Variants in TNS3 observed in about 807,000 individuals in gnomAD.
The protein encoded by TNS3 is tensin-3.
In TNS3, 45 loss-of-function variants were observed where a neutral mutation model predicts 140.9. The observed-to-expected ratio is 0.32, with a 90% confidence interval of 0.25 to 0.41. The LOEUF (loss-of-function observed/expected upper bound fraction) is 0.41, where lower values mean the gene tolerates loss of function less well. TNS3 is among the 10% of genes least tolerant of loss of function. The probability of loss-of-function intolerance (pLI) is 1.00; values close to 1 mark genes in which losing one functional copy is unlikely to be tolerated. For missense variants in TNS3, 1,716 were observed against 1,906.7 expected (o/e 0.90, Z 1.86); for synonymous variants, 815 against 788.4 (o/e 1.03, Z -0.56).
intron 13 of TNS3, chr7:47,405,570 T>C: frequency 1.4e-6 from 1 of 702,950 alleles, no homozygotes; most frequent in Non-Finnish European, 2.6e-6. Context: ...CTAAAGCAAT[T>C]GAAAGGTGGG....
In TNS3 at chr7:47,315,569, G is replaced by A. The variant is rs540909089; in HGVS notation, c.2651-10566C>T. Among the ~76,000 whole-genome samples the A allele has an allele frequency of 7.2e-5, 11 of 152,252 alleles. No homozygotes were observed. In the East Asian group the frequency reaches 1.7e-3, roughly 24 times the overall value. On this transcript the variant is annotated intron_variant, in intron 20 of 30. Transcript: ENST00000311160. Reference sequence around the variant, plus strand: ...AGCTGGATACCACTCATTCTCCAACGGCCACTATTTACATGACATATAAGT... The same window carrying A: ...AGCTGGATACCACTCATTCTCCAACAGCCACTATTTACATGACATATAAGT...
At chr7:47,560,863 C>G (rs1800306914) in intron 1 of TNS3, among the ~76,000 whole-genome samples, 1 of 152,192 alleles carries the variant, frequency 6.6e-6, no homozygotes, top group Non-Finnish European at 1.5e-5. Context: ...CTGTAATCCC[C>G]AAGCAACCCT....
intron 1 of TNS3, among the ~76,000 whole-genome samples, chr7:47,559,336 C>G (rs144959293): frequency 1.4e-3 from 220 of 152,254 alleles, no homozygotes; most frequent in African/African-American, 4.8e-3. Context: ...GGCAACAAAG[C>G]AAAACTCCAT....
At chr7:47,332,644 T>A (rs1266710705) in intron 20 of TNS3, among the ~76,000 whole-genome samples, 3 of 152,240 alleles carry the variant, frequency 2.0e-5, no homozygotes, top group African/African-American at 7.2e-5. Context: ...ATTTTGAATT[T>A]AAAAAATGAA....
At position 47,512,577 on chromosome 7, in the gene TNS3, C is replaced by T. The variant is rs1463350607; in HGVS notation, c.-152-5633G>A. Among the ~76,000 whole-genome samples the T allele has an allele frequency of 2.0e-5, 3 of 152,256 alleles. No individual in the cohort carries two copies. In the East Asian group the frequency reaches 5.8e-4, roughly 29 times the overall value. ...AAAGGCAAGGCTAACAGATATACAG[C>T]ACTCTGTGTTGTATGAAATAAACTT... On this transcript the variant is annotated intron_variant, in intron 2 of 30. Coordinates refer to ENST00000311160, the MANE Select transcript of TNS3 (RefSeq NM_022748.12).
intron 1 of TNS3, among the ~76,000 whole-genome samples, chr7:47,543,626 G>A (rs534837349): frequency 1.3e-5 from 2 of 151,310 alleles, no homozygotes; most frequent in Non-Finnish European, 2.9e-5. Flanking sequence ...CTTGAAAGCA[G>A]TACTGCTTTG....
chr7:47,392,097 C>T lies in TNS3; in HGVS notation c.1024+4703G>A, dbSNP rs1314459848. On this transcript the variant is annotated intron_variant, in intron 16 of 30. Transcript: ENST00000311160. ...GATTAAAACACCATAGTGAGGCTTC[C>T]GGCAGGCAGCCACACTGTGTGCCGC... is the stretch of plus-strand genomic sequence containing the variant. 3.9e-5 allele frequency among the ~76,000 whole-genome samples: 6 copies of T among 152,276 alleles called. No individual in the cohort carries two copies. In the South Asian group the frequency reaches 8.3e-4, roughly 21 times the overall value.
intron 16 of TNS3, among the ~76,000 whole-genome samples, chr7:47,379,958 C>G (rs1283874527): frequency 6.6e-6 from 1 of 152,218 alleles, no homozygotes; most frequent in East Asian, 1.9e-4. Context: ...TTAACAAAAG[C>G]AAGAACCAGA....
At chr7:47,527,893 C>T (rs377490565) in intron 2 of TNS3, among the ~76,000 whole-genome samples, 19 of 149,872 alleles carry the variant, frequency 1.3e-4, no homozygotes, top group Non-Finnish European at 2.5e-4. Context: ...GATGACAGAG[C>T]GAGACCCTGT....
At chr7:47,456,656 A>T (rs1048557328) in intron 4 of TNS3, among the ~76,000 whole-genome samples, 10 of 152,168 alleles carry the variant, frequency 6.6e-5, no homozygotes, top group Admixed American at 2.6e-4. Flanking sequence ...CCTGAAGCTG[A>T]GGAGGTAAAT....
chr7:47,368,551 T>TG lies in TNS3; in HGVS notation c.2094dup (p.Ile699HisfsTer27). 1 of 1,575,896 alleles carries TG rather than the reference T, an allele frequency of 6.3e-7. No individual in the cohort carries two copies. The highest frequency in any genetic ancestry group is 8.6e-7 in the Non-Finnish European group (1 of 1,156,266). On this transcript the variant is annotated frameshift_variant, in exon 17 of 31. Coordinates refer to ENST00000311160, the MANE Select transcript of TNS3 (RefSeq NM_022748.12). LOFTEE classifies it high-confidence loss of function. ...AGGATCAGCCTGTTGAGCTGCTCGA[T>TG]GGACTGGTCGATGTCCAGGGTGGGC...
At chr7:47,295,401 C>T (rs950995041) in intron 24 of TNS3, among the ~76,000 whole-genome samples, 4 of 152,220 alleles carry the variant, frequency 2.6e-5, no homozygotes, top group South Asian at 2.1e-4. Context: ...TCTGCAGACT[C>T]GCCAGATGCT....
rs1250254881 is a variant in TNS3, at chr7:47,369,146, T to C, written c.1500A>G (p.Glu500=). The C allele has an allele frequency of 2.5e-6, 4 of 1,613,922 alleles. No homozygotes were observed. The highest frequency in any genetic ancestry group is 2.7e-5 in the African/African-American group (2 of 74,928). The change falls in exon 17 of 31, where the codon GAA becomes GAG. Residue 500 remains glutamate (E), a synonymous_variant. Coordinates refer to ENST00000311160, the MANE Select transcript of TNS3 (RefSeq NM_022748.12). ...VDSLGTLSSS[E]GPQSAHLGPF... The stretch of plus-strand genomic sequence containing the variant: ...GACCCAGGTGGGCCGACTGAGGCCC[T>C]TCCGAGGAGGACAGGGTCCCAAGGC...
intron 5 of TNS3, 131 bp from the exon 6 acceptor site, chr7:47,439,789 G>T: frequency 1.1e-6 from 1 of 901,692 alleles, no homozygotes; most frequent in Non-Finnish European, 1.7e-6. Context: ...GGCCAGCTAC[G>T]GGAATTTACA....
intron 16 of TNS3, among the ~76,000 whole-genome samples, chr7:47,380,226 G>A (rs1327038345): frequency 6.6e-6 from 1 of 152,218 alleles, no homozygotes; most frequent in African/African-American, 2.4e-5. Context: ...GCGGCTCCCC[G>A]GGCAGACCTC....
Position 47,368,650 on chromosome 7 carries a change from T to G in TNS3, c.1996A>C (p.Lys666Gln). The G allele has an allele frequency of 6.2e-7, 1 of 1,601,514 alleles. No individual in the cohort carries two copies. ...TQQPSPSKAFKPRFPGDQVVN... is the reference protein window; with the variant it reads ...TQQPSPSKAFQPRFPGDQVVN... The stretch of plus-strand genomic sequence containing the variant: ...ACCTGGTCTCCTGGAAACCTGGGTT[T>G]GAACGCTTTGCTGGGAGAGGGCTGC... Residue 666 changes from lysine to glutamine, a missense_variant, in exon 17 of 31, where the codon AAA (lysine) becomes CAA (glutamine). Physicochemically the swap from Lys to Gln is moderately conservative, Grantham distance 53. This residue lies in a region of TNS3 where 1,163 missense variants were observed against 1,182.1 expected (regional missense o/e 0.98). Coordinates refer to ENST00000311160, the MANE Select transcript of TNS3 (RefSeq NM_022748.12).
At chr7:47,548,466 A>G (rs770695625) in intron 1 of TNS3, among the ~76,000 whole-genome samples, 2 of 151,874 alleles carry the variant, frequency 1.3e-5, no homozygotes, top group Non-Finnish European at 2.9e-5. Flanking sequence ...ATAAGTCACC[A>G]CCTAGCCATA....
Position 47,335,760 on chromosome 7 carries a change from T to C in TNS3, c.2650+8995A>G, listed in dbSNP as rs1323156865. Among the ~76,000 whole-genome samples, 3 of 152,324 alleles carry C rather than the reference T, an allele frequency of 2.0e-5. No homozygotes were observed. In the East Asian group the frequency reaches 5.8e-4, roughly 29 times the overall value. On this transcript the variant is annotated intron_variant, in intron 20 of 30. Coordinates refer to ENST00000311160, the MANE Select transcript of TNS3 (RefSeq NM_022748.12). The stretch of plus-strand genomic sequence containing the variant: ...GTCTGGGCCAGGAGCCAGAGCTACA[T>C]GTTCTGGTCCAATCTTCTCAAGAAC...
chr7:47,466,765 C>T (rs1796735737), intron 4 of TNS3, among the ~76,000 whole-genome samples: 1 of 152,190 alleles, frequency 6.6e-6, no homozygotes, highest in African/African-American at 2.4e-5. Flanking sequence ...TAGAGCCAGA[C>T]AGTCATTTAT....
Sources: gnomAD v4.1 joint callset for allele counts (sites outside exome capture counted in the v4.1 genomes callset) on GRCh38, gnomAD v4.1.1 for gene constraint, gnomAD v4.1.1 regional missense constraint, MANE v1.5 for transcripts, NCBI Gene and HGNC (gene_info 2026-07-23, HGNC 2026-07-21) for gene names.